The following ABI3BP variants were observed in gnomAD, a reference collection of about 807,000 sequenced individuals.
ABI3BP encodes the protein target of Nesh-SH3.
Under a neutral mutation model 268.6 loss-of-function variants are expected in ABI3BP, and 216 were observed. That is an observed-to-expected ratio of 0.80 (90% CI 0.72 to 0.90). The LOEUF (loss-of-function observed/expected upper bound fraction) is 0.90, where lower values mean the gene tolerates loss of function less well. Ranked by LOEUF, ABI3BP falls within the 40% of genes least tolerant of loss-of-function variation. The probability of loss-of-function intolerance (pLI) is 0.00; values close to 1 mark genes in which losing one functional copy is unlikely to be tolerated. For missense variants in ABI3BP, 2,090 were observed against 2,182.4 expected (o/e 0.96, Z 0.84); for synonymous variants, 730 against 730.0 (o/e 1.00, Z 0.00).
chr3:100,956,926 G>A (rs1278146365), intron 1 of ABI3BP, among the ~76,000 whole-genome samples: 4 of 152,210 alleles, frequency 2.6e-5, no homozygotes, highest in African/African-American at 4.8e-5. Flanking sequence ...ACAGGAAGAG[G>A]TGAAGCTAGA....
rs1251806241 is a variant in ABI3BP at position 100,851,900 on chromosome 3, C to A, written c.1326G>T (p.Glu442Asp). Residue 442 changes from glutamate (E) to aspartate (D), a missense_variant, in exon 15 of 68, where the codon GAG (glutamate) becomes GAT (aspartate). Glu to Asp is a conservative substitution (Grantham distance 45). Coordinates refer to ENST00000471714, the MANE Select transcript of ABI3BP (RefSeq NM_001375547.2). ...CTGTGTAGGAATCTGATATCTCAGG[C>A]TCATCTGATGTTGTAGGGCTTGAGA... ...DVFSSPTTSD[E>D]PEISDSYTAT... 6.3e-7 allele frequency: 1 copy of A among 1,588,644 alleles called. No homozygotes were observed. The highest frequency in any genetic ancestry group is 8.6e-7 in the Non-Finnish European group (1 of 1,167,834).
At chr3:100,896,527 G>T (rs2047779534) in intron 4 of ABI3BP, among the ~76,000 whole-genome samples, 1 of 152,096 alleles carries the variant, frequency 6.6e-6, no homozygotes, top group Non-Finnish European at 1.5e-5. Context: ...ATTGAAACAA[G>T]TAGTCCTACA....
At chr3:100,787,922 A>G in intron 56 of ABI3BP, 120 bp from the exon 57 acceptor site, 2 of 599,300 alleles carry the variant, frequency 3.3e-6, no homozygotes, top group Non-Finnish European at 5.3e-6. Flanking sequence ...CTTACCAAAA[A>G]TATTATTCAG....
intron 61 of ABI3BP, among the ~76,000 whole-genome samples, chr3:100,772,916 T>C (rs9823432): frequency 3.3e-5 from 5 of 151,484 alleles, no homozygotes; most frequent in African/African-American, 1.2e-4. Flanking sequence ...ACATCTCTAC[T>C]AAAAATACAA....
At chr3:100,913,948 A>G (rs922109616) in intron 2 of ABI3BP, among the ~76,000 whole-genome samples, 4 of 152,196 alleles carry the variant, frequency 2.6e-5, no homozygotes, top group Non-Finnish European at 5.9e-5. Context: ...TTCTGAAAGA[A>G]TTAATGAATC....
chr3:100,902,575 C>A, intron 3 of ABI3BP, 43 bp downstream of exon 3: 1 of 1,585,038 alleles, frequency 6.3e-7, no homozygotes, highest in South Asian at 1.1e-5. Flanking sequence ...AGTCATGGTT[C>A]AAAGTTCATA....
chr3:100,793,746 A>G (rs1051898607), intron 54 of ABI3BP, among the ~76,000 whole-genome samples: 4 of 152,048 alleles, frequency 2.6e-5, no homozygotes, highest in Non-Finnish European at 5.9e-5. Context: ...ATGGATTATT[A>G]GAAAAGGAAT....
chr3:100,840,124 G>T lies in ABI3BP; in HGVS notation c.1845C>A (p.Pro615=). Reference sequence around the variant, plus strand: ...TAGGTGTGGTTTTAGGGCGGGGACGGGGGCGGGGGCGACGACCTGGTCTTT... The same window carrying T: ...TAGGTGTGGTTTTAGGGCGGGGACGTGGGCGGGGGCGACGACCTGGTCTTT... ...KTKRPGRRPR[P]RPRPKTTPSP... is the part of the protein sequence containing the mutation. Residue 615 remains proline (P), a synonymous_variant, in exon 23 of 68, where the codon CCC becomes CCA. Coordinates refer to ENST00000471714, the MANE Select transcript of ABI3BP (RefSeq NM_001375547.2). 1 of 1,528,578 alleles carries T rather than the reference G, an allele frequency of 6.5e-7. No individual in the cohort carries two copies. The highest frequency in any genetic ancestry group is 1.2e-5 in the South Asian group (1 of 83,676). 94.7% of individuals were successfully genotyped at this position (1,528,578 alleles called of 1,614,324 possible).
chr3:100,785,340 AAC>A (rs1383430581), intron 57 of ABI3BP, among the ~76,000 whole-genome samples: 2 of 152,194 alleles, frequency 1.3e-5, no homozygotes, highest in African/African-American at 4.8e-5. Flanking sequence ...AACTTTTGTG[AAC>A]AGCTGCATTT....
intron 2 of ABI3BP, among the ~76,000 whole-genome samples, chr3:100,918,250 C>T (rs2059247725): frequency 6.6e-6 from 1 of 151,216 alleles, no homozygotes. Flanking sequence ...TTGGGCCTTT[C>T]CTTTTCCTCT....
intron 43 of ABI3BP, chr3:100,816,447 G>A: frequency 1.7e-6 from 1 of 598,384 alleles, no homozygotes; most frequent in South Asian, 1.9e-5. Context: ...TCTTTAAAGA[G>A]GGACCAAGAA....
intron 27 of ABI3BP, among the ~76,000 whole-genome samples, chr3:100,836,038 A>G (rs995837822): frequency 6.6e-6 from 1 of 152,140 alleles, no homozygotes; most frequent in African/African-American, 2.4e-5. Flanking sequence ...TTGTTTTGAG[A>G]GTGGTAGTTG....
intron 1 of ABI3BP, among the ~76,000 whole-genome samples, chr3:100,958,338 A>G (rs1482139379): frequency 6.6e-6 from 1 of 152,244 alleles, no homozygotes. Context: ...AGTTTGAACA[A>G]GTATTTCCTT....
chr3:100,806,107 C>G (rs1418924817), intron 50 of ABI3BP, among the ~76,000 whole-genome samples: 2 of 152,002 alleles, frequency 1.3e-5, no homozygotes, highest in African/African-American at 4.8e-5. Context: ...GATTTTAGAT[C>G]CCATTTTGCC....
At chr3:100,789,840 CATCT>C (rs1423756216) in intron 55 of ABI3BP, among the ~76,000 whole-genome samples, 2 of 151,954 alleles carry the variant, frequency 1.3e-5, no homozygotes, top group East Asian at 3.9e-4. Context: ...ATAAGCCATC[CATCT>C]GTCTGTTCAT....
chr3:100,841,891 A>C (rs897388282), intron 21 of ABI3BP, 107 bp downstream of exon 21: 59 of 956,532 alleles, frequency 6.2e-5, no homozygotes, highest in Non-Finnish European at 8.7e-5. Flanking sequence ...GTGAAACTTC[A>C]TCTGGAGAAG....
chr3:100,812,629 C>G (rs1312716323), intron 45 of ABI3BP, 106 bp from the exon 46 acceptor site: 1 of 620,836 alleles, frequency 1.6e-6, no homozygotes, highest in African/African-American at 1.9e-5. Flanking sequence ...TATAGGGTAA[C>G]AACATTATTA....
chr3:100,938,817 G>A (rs1275147579), intron 1 of ABI3BP, among the ~76,000 whole-genome samples: 1 of 152,126 alleles, frequency 6.6e-6, no homozygotes, highest in Non-Finnish European at 1.5e-5. Flanking sequence ...TCTGTGTAAG[G>A]TGGTTGTAGA....
chr3:100,847,785 G>A, intron 18 of ABI3BP, 112 bp from the exon 19 acceptor site: 1 of 844,028 alleles, frequency 1.2e-6, no homozygotes, highest in Non-Finnish European at 2.0e-6. Context: ...AGTAGTCAAA[G>A]TATACAATGA....
Sources: gnomAD v4.1 joint callset for allele counts (sites outside exome capture counted in the v4.1 genomes callset) on GRCh38, gnomAD v4.1.1 for gene constraint, MANE v1.5 for transcripts, NCBI Gene and HGNC (gene_info 2026-07-23, HGNC 2026-07-21) for gene names.